The following SMAD3 variants were observed in gnomAD, a reference collection of about 807,000 sequenced individuals.
SMAD3 encodes SMAD family member 3.
A neutral mutation model predicts 51.8 loss-of-function variants in SMAD3; 12 were observed. The observed-to-expected ratio is 0.23, with a 90% CI of 0.15 to 0.38. SMAD3 has a LOEUF of 0.38. Ranked by LOEUF, SMAD3 falls within the 10% of genes least tolerant of loss-of-function variation. The pLI, the probability that SMAD3 is intolerant of heterozygous loss-of-function variation, is 1.00. For synonymous variants in SMAD3, 238 were observed against 227.7 expected (o/e 1.05, Z -0.41); for missense variants, 294 against 565.6 (o/e 0.52, Z 4.87).
chr15:67,169,687 T>G (rs1056515968), intron 4 of SMAD3, among the ~76,000 whole-genome samples: 4 of 147,228 alleles, frequency 2.7e-5, no homozygotes, highest in Non-Finnish European at 6.0e-5. Flanking sequence ...GGTCTCAAAC[T>G]CCTGGGCTCA....
intron 1 of SMAD3, among the ~76,000 whole-genome samples, chr15:67,103,142 A>C (rs538265737): frequency 6.6e-6 from 1 of 152,064 alleles, no homozygotes; most frequent in Non-Finnish European, 1.5e-5. Context: ...TTGATTGTCA[A>C]CTTCCTTTGT....
chr15:67,103,504 G>T (rs118093707), intron 1 of SMAD3, among the ~76,000 whole-genome samples: 2 of 152,346 alleles, frequency 1.3e-5, no homozygotes, highest in East Asian at 3.9e-4. Context: ...GGCTGGGTGG[G>T]TCTGGCCCAG....
chr15:67,123,499 CA>C (rs34316530), intron 1 of SMAD3, among the ~76,000 whole-genome samples: 1 of 151,070 alleles, frequency 6.6e-6, no homozygotes, highest in Non-Finnish European at 1.5e-5. Context: ...AACTCCGTCT[CA>C]AAAAAAAGGA....
intron 6 of SMAD3, among the ~76,000 whole-genome samples, chr15:67,183,029 ATATT>A (rs1227032217): frequency 6.9e-4 from 33 of 48,102 alleles, no homozygotes; most frequent in African/African-American, 1.9e-3. Flanking sequence ...ATATATATAT[ATATT>A]TTTTTTTTTT....
chr15:67,114,047 T>G (rs1176771689), intron 1 of SMAD3, among the ~76,000 whole-genome samples: 3 of 152,176 alleles, frequency 2.0e-5, no homozygotes, highest in African/African-American at 7.2e-5. Flanking sequence ...ATTTTAGAAG[T>G]GTTTTCTTGC....
At chr15:67,099,546 C>T (rs957297465) in intron 1 of SMAD3, among the ~76,000 whole-genome samples, 10 of 152,206 alleles carry the variant, frequency 6.6e-5, no homozygotes, top group Non-Finnish European at 1.0e-4. Context: ...AAGGTTTACT[C>T]GCCAGAGGTC....
chr15:67,079,601 G>C (rs1303473156), intron 1 of SMAD3, among the ~76,000 whole-genome samples: 1 of 152,148 alleles, frequency 6.6e-6, no homozygotes, highest in East Asian at 1.9e-4. Context: ...GTGTTGCATG[G>C]ACTGAGTGTC....
chr15:67,116,654 A>G (rs140772394), intron 1 of SMAD3, among the ~76,000 whole-genome samples: 3 of 152,316 alleles, frequency 2.0e-5, no homozygotes, highest in Non-Finnish European at 4.4e-5. Context: ...GAGAGGCTAC[A>G]GGTGTGGAAG....
At chr15:67,071,358 C>G (rs1960048811) in intron 1 of SMAD3, among the ~76,000 whole-genome samples, 1 of 152,174 alleles carries the variant, frequency 6.6e-6, no homozygotes, top group Non-Finnish European at 1.5e-5. Flanking sequence ...TGGCACTGAA[C>G]AGCTAGTGAC....
chr15:67,138,286 C>T (rs1274957769), intron 1 of SMAD3: 6 of 557,474 alleles, frequency 1.1e-5, no homozygotes, highest in Admixed American at 3.0e-5. Context: ...GAAGCAGAGG[C>T]GTCGCTCAGG....
intron 1 of SMAD3, chr15:67,098,919 G>A (rs1386430240): frequency 2.8e-6 from 2 of 702,398 alleles, no homozygotes; most frequent in Non-Finnish European, 2.6e-6. Context: ...GTGGAGGAGG[G>A]TCAGGCAGCC....
chr15:67,155,716 C>T (rs1384525592), intron 1 of SMAD3, among the ~76,000 whole-genome samples: 1 of 152,072 alleles, frequency 6.6e-6, no homozygotes, highest in African/African-American at 2.4e-5. Context: ...GGGCCAGTCG[C>T]GGTGGCTCAC....
chr15:67,164,479 T>TA lies in SMAD3; in HGVS notation c.207-413dup, dbSNP rs560664588. On this transcript the variant is annotated intron_variant, in intron 1 of 8. Transcript: ENST00000327367. ...TCACTGTAGTCCTCATATCTGTGCCTAAAGAACTCTCATTGTCTTCCCCAG... is the reference window on the plus strand; with the variant it reads ...TCACTGTAGTCCTCATATCTGTGCCTAAAAGAACTCTCATTGTCTTCCCCAG... Among the ~76,000 whole-genome samples the TA allele has an allele frequency of 4.8e-4, 73 of 152,302 alleles. 1 individual carries two copies. In the South Asian group the frequency reaches 0.015, roughly 31 times the overall value.
chr15:67,191,410 G>A lies in SMAD3; in HGVS notation c.*874G>A, dbSNP rs532996307. ...ATTTGGTCTCAGGCAGCACCACACTGGGTGCGTCTCCAGTCATCTGTAAGA... is the reference window on the plus strand; with the variant it reads ...ATTTGGTCTCAGGCAGCACCACACTAGGTGCGTCTCCAGTCATCTGTAAGA... On this transcript the variant is annotated 3_prime_UTR_variant, in exon 9 of 9. Transcript: ENST00000327367. 13 of 233,432 alleles carry A rather than the reference G, an allele frequency of 5.6e-5. No homozygotes were observed. The highest frequency in any genetic ancestry group is 2.9e-4 in the African/African-American group (13 of 45,468). 14.5% of individuals were successfully genotyped at this position (233,432 alleles called of 1,614,324 possible). A position where few individuals can be genotyped will look rare whatever the true frequency, so the allele number is the denominator to read the frequency against.
At chr15:67,108,436 C>T (rs1376214937) in intron 1 of SMAD3, among the ~76,000 whole-genome samples, 1 of 152,134 alleles carries the variant, frequency 6.6e-6, no homozygotes, top group Non-Finnish European at 1.5e-5. Context: ...CCTGGAATGT[C>T]CCAAGCCTAT....
chr15:67,076,258 C>T (rs1960166792), intron 1 of SMAD3, among the ~76,000 whole-genome samples: 1 of 151,860 alleles, frequency 6.6e-6, no homozygotes, highest in African/African-American at 2.4e-5. Context: ...CCATCACCTT[C>T]TCTATCATTA....
At chr15:67,098,251 A>T (rs1389743443) in intron 1 of SMAD3, among the ~76,000 whole-genome samples, 1 of 145,888 alleles carries the variant, frequency 6.9e-6, no homozygotes, top group Admixed American at 6.9e-5. Flanking sequence ...CATCTGTGAG[A>T]TGAGAGGATT....
intron 1 of SMAD3, among the ~76,000 whole-genome samples, chr15:67,096,640 CTT>C (rs532008867): frequency 6.9e-5 from 10 of 144,638 alleles, no homozygotes; most frequent in Admixed American, 6.9e-5. Flanking sequence ...ATGATTGATA[CTT>C]TTTTTTTTTT....
intron 1 of SMAD3, among the ~76,000 whole-genome samples, chr15:67,091,815 G>T (rs923026967): frequency 6.6e-6 from 1 of 152,188 alleles, no homozygotes; most frequent in African/African-American, 2.4e-5. Context: ...AGTCAAACGG[G>T]AAGGAGGAAC....
Sources: gnomAD v4.1 joint callset for allele counts (sites outside exome capture counted in the v4.1 genomes callset) on GRCh38, gnomAD v4.1.1 for gene constraint, MANE v1.5 for transcripts, NCBI Gene and HGNC (gene_info 2026-07-23, HGNC 2026-07-21) for gene names.